The following PTGFRN variants were observed in gnomAD, a reference collection of about 807,000 sequenced individuals.
The protein encoded by PTGFRN is prostaglandin F2 receptor inhibitor, also known as prostaglandin F2 receptor negative regulator.
PTGFRN carries 35 observed loss-of-function variants against 83.2 expected under a neutral mutation model. That is an observed-to-expected ratio of 0.42 (90% CI 0.32 to 0.56). The LOEUF (loss-of-function observed/expected upper bound fraction) is 0.56. Among genes scored for constraint, PTGFRN ranks in the 20% least tolerant of loss-of-function variants. PTGFRN has a pLI of 0.11. For missense variants in PTGFRN, 1,051 were observed against 1,179.5 expected (o/e 0.89, Z 1.60); for synonymous variants, 519 against 498.6 (o/e 1.04, Z -0.55).
chr1:116,960,186 C>T (rs1650611130), intron 4 of PTGFRN, among the ~76,000 whole-genome samples: 1 of 152,082 alleles, frequency 6.6e-6, no homozygotes, highest in African/African-American at 2.4e-5. Flanking sequence ...CTTCTGGGGA[C>T]CCAGGACCAG....
intron 4 of PTGFRN, among the ~76,000 whole-genome samples, chr1:116,950,887 G>GA (rs1160866490): frequency 6.6e-6 from 1 of 152,184 alleles, no homozygotes; most frequent in Admixed American, 6.5e-5. Context: ...CCATGCAAGA[G>GA]AGTCACTATG....
chr1:116,979,099 A>G (rs1364052893), intron 7 of PTGFRN, among the ~76,000 whole-genome samples: 5 of 152,170 alleles, frequency 3.3e-5, no homozygotes, highest in African/African-American at 9.7e-5. Context: ...GAGCCAAATC[A>G]TGAGTGAACT....
intron 1 of PTGFRN, among the ~76,000 whole-genome samples, chr1:116,933,618 G>C (rs1349334057): frequency 6.6e-6 from 1 of 152,074 alleles, no homozygotes; most frequent in African/African-American, 2.4e-5. Context: ...ACTTATTTTT[G>C]GTGCAATTAA....
At chr1:116,959,702 G>A (rs1038863496) in intron 4 of PTGFRN, among the ~76,000 whole-genome samples, 29 of 152,238 alleles carry the variant, frequency 1.9e-4, no homozygotes, top group Middle Eastern at 6.8e-3. Context: ...GGCCGGGTGC[G>A]GTGGCTCGTT....
At chr1:116,951,730 C>T (rs1471141043) in intron 4 of PTGFRN, among the ~76,000 whole-genome samples, 1 of 152,046 alleles carries the variant, frequency 6.6e-6, no homozygotes, top group Admixed American at 6.5e-5. Flanking sequence ...ATTACAGCTG[C>T]TTGGACACTT....
In PTGFRN at chr1:116,988,389, C is replaced by T. The variant is rs1651578951; in HGVS notation, c.*1422C>T. On this transcript the variant is annotated 3_prime_UTR_variant, in exon 9 of 9. Transcript: ENST00000393203. ...CTGCTGCTGCTTTAAAAGCTCTGTC[C>T]TTGGAGCCTCCCGCTCCCTGAAGTG... 2 of 152,680 alleles carry T rather than the reference C, an allele frequency of 1.3e-5. No homozygotes were observed. Among genetic ancestry groups the T allele is most frequent in the Non-Finnish European group, 2.9e-5 (2 of 68,108 alleles). 9.5% of individuals were successfully genotyped at this position (152,680 alleles called of 1,614,324 possible). A position where few individuals can be genotyped will look rare whatever the true frequency, so the allele number is the denominator to read the frequency against.
intron 1 of PTGFRN, among the ~76,000 whole-genome samples, chr1:116,922,155 G>A (rs1294395182): frequency 1.3e-5 from 2 of 152,206 alleles, no homozygotes; most frequent in African/African-American, 4.8e-5. Flanking sequence ...GCCGGCATGT[G>A]TGAGGCTGGA....
chr1:116,922,345 A>G (rs1371179650), intron 1 of PTGFRN, among the ~76,000 whole-genome samples: 1 of 152,234 alleles, frequency 6.6e-6, no homozygotes, highest in Non-Finnish European at 1.5e-5. Flanking sequence ...AGAGACACAT[A>G]AGTTTTAGAG....
chr1:116,946,586 C>T (rs1347707447), intron 3 of PTGFRN, among the ~76,000 whole-genome samples: 5 of 152,136 alleles, frequency 3.3e-5, no homozygotes, highest in African/African-American at 1.2e-4. Flanking sequence ...ACCATGAGAC[C>T]TATAATATCT....
chr1:116,961,589 G>C lies in PTGFRN; in HGVS notation c.1560G>C (p.Trp520Cys). Residue 520 changes from tryptophan to cysteine, a missense_variant, in exon 5 of 9, where the codon TGG becomes TGC. Coordinates refer to ENST00000393203, the MANE Select transcript of PTGFRN (RefSeq NM_020440.4). The surrounding 1 kb of genome is among the most constrained non-coding windows in gnomAD (Gnocchi z 5.4). ...ATTATTACTGTGTTGTGTCTGCCTG[G>C]ACCAAACAGCGGAACAACAGCTGGG... ...RGNYYCVVSAWTKQRNNSWVK... is the reference protein window; with the variant it reads ...RGNYYCVVSACTKQRNNSWVK... The C allele has an allele frequency of 6.2e-7, 1 of 1,614,148 alleles. No homozygotes were observed. The highest frequency in any genetic ancestry group is 8.5e-7 in the Non-Finnish European group (1 of 1,180,018).
At chr1:116,914,752 TC>T (rs1649357888) in intron 1 of PTGFRN, among the ~76,000 whole-genome samples, 1 of 148,062 alleles carries the variant, frequency 6.8e-6, no homozygotes, top group Non-Finnish European at 1.5e-5. Context: ...AGACCCTGTC[TC>T]AAAAAAAAAA....
chr1:116,983,933 A>G (rs1651390767), intron 7 of PTGFRN, among the ~76,000 whole-genome samples: 2 of 152,226 alleles, frequency 1.3e-5, no homozygotes, highest in South Asian at 4.1e-4. Context: ...TTCACATTCC[A>G]TGAGAATTAC....
chr1:116,949,694 A>T (rs1355053057), intron 4 of PTGFRN, 122 bp downstream of exon 4: 1 of 1,372,690 alleles, frequency 7.3e-7, no homozygotes, highest in African/African-American at 1.5e-5. Context: ...CTATTGGTTC[A>T]TGCATACTTT....
rs1185912025 is a variant in PTGFRN, at chr1:116,984,993, T to A, written c.2473+8T>A. 6.2e-7 allele frequency: 1 copy of A among 1,609,234 alleles called. No individual in the cohort carries two copies. The highest frequency in any genetic ancestry group is 2.2e-5 in the East Asian group (1 of 44,722). The stretch of plus-strand genomic sequence containing the variant: ...TAACTGTGAAGATGGATGGTAAGAA[T>A]GTCACCCAAATTTCTCAGTGTTTGG... On this transcript the variant is annotated splice_region_variant and intron_variant, in intron 8 of 8. Transcript: ENST00000393203.
intron 1 of PTGFRN, among the ~76,000 whole-genome samples, chr1:116,912,332 C>T (rs1649292457): frequency 6.6e-6 from 1 of 152,176 alleles, no homozygotes; most frequent in Non-Finnish European, 1.5e-5. Context: ...GAATCTCACT[C>T]GGTGTGGCTT....
intron 4 of PTGFRN, among the ~76,000 whole-genome samples, chr1:116,953,807 G>C (rs959210297): frequency 6.6e-6 from 1 of 151,462 alleles, no homozygotes; most frequent in South Asian, 2.1e-4. Context: ...TTCCTTCTCT[G>C]GGAGGAGCAA....
intron 7 of PTGFRN, among the ~76,000 whole-genome samples, chr1:116,977,252 A>G (rs139259465): frequency 1.5e-3 from 225 of 152,314 alleles, no homozygotes; most frequent in African/African-American, 4.9e-3. Context: ...AAACAGACTA[A>G]GACTCCACAC....
rs775122039 is a variant in PTGFRN at position 116,986,797 on chromosome 1, C to T, written c.2474-4C>T. 1.9e-6 allele frequency: 3 copies of T among 1,613,852 alleles called. No individual in the cohort carries two copies. Among genetic ancestry groups the T allele is most frequent in the Non-Finnish European group, 2.5e-6 (3 of 1,179,900 alleles). On this transcript the variant is annotated splice_region_variant and splice_polypyrimidine_tract_variant and intron_variant, in intron 8 of 8. Coordinates refer to ENST00000393203, the MANE Select transcript of PTGFRN (RefSeq NM_020440.4). ...TGGCTTCCCCTTTGATCTCTCCCTCCCAGTGCTGAACGCCTTCAAGTATCC... is the reference window on the plus strand; with the variant it reads ...TGGCTTCCCCTTTGATCTCTCCCTCTCAGTGCTGAACGCCTTCAAGTATCC...
intron 6 of PTGFRN, among the ~76,000 whole-genome samples, chr1:116,972,553 A>G (rs1024341233): frequency 6.6e-6 from 1 of 152,192 alleles, no homozygotes; most frequent in Non-Finnish European, 1.5e-5. Context: ...TTCTTCTGCA[A>G]GTTTAAAAAA....
Sources: allele counts gnomAD v4.1 joint callset (sites outside exome capture counted in the v4.1 genomes callset), GRCh38; gene constraint gnomAD v4.1.1; non-coding constraint Gnocchi (gnomAD v3.1); transcripts MANE v1.5; gene names NCBI Gene and HGNC (gene_info 2026-07-23, HGNC 2026-07-21).